The following ENTREP2 variants were observed in gnomAD, a reference collection of about 807,000 sequenced individuals.
The protein encoded by ENTREP2 is protein ENTREP2.
the ENTREP2 span, among the ~76,000 whole-genome samples, chr15:29,592,458 T>C: frequency 3.3e-5 from 5 of 152,184 alleles, no homozygotes; most frequent in African/African-American, 4.8e-5. Flanking sequence ...TGTCATCCTA[T>C]GGTGGATGAT....
At chr15:29,139,454 A>T in the ENTREP2 span, among the ~76,000 whole-genome samples, 2 of 152,274 alleles carry the variant, frequency 1.3e-5, no homozygotes, top group Non-Finnish European at 2.9e-5. Context: ...AAATGCCCTC[A>T]GGTCTAATCA....
chr15:29,283,264 C>G, the ENTREP2 span, among the ~76,000 whole-genome samples: 1 of 152,174 alleles, frequency 6.6e-6, no homozygotes, highest in Admixed American at 6.5e-5. Context: ...AAGACTATCC[C>G]CACCCTCACC....
chr15:29,534,911 A>G, the ENTREP2 span, among the ~76,000 whole-genome samples: 1 of 152,346 alleles, frequency 6.6e-6, no homozygotes, highest in African/African-American at 2.4e-5. Flanking sequence ...ACTTTTCAAA[A>G]GTCAAGAGAT....
chr15:29,244,412 AC>A, the ENTREP2 span, among the ~76,000 whole-genome samples: 2 of 152,238 alleles, frequency 1.3e-5, no homozygotes, highest in South Asian at 4.1e-4. Flanking sequence ...GTGTTAGTCA[AC>A]CTTTTTCCCT....
At chr15:29,660,672 G>A in the ENTREP2 span, among the ~76,000 whole-genome samples, 26 of 152,202 alleles carry the variant, frequency 1.7e-4, no homozygotes, top group Non-Finnish European at 3.1e-4. Context: ...TTTCTGACAA[G>A]TAGTAGTGCA....
At chr15:29,343,330 C>T in the ENTREP2 span, among the ~76,000 whole-genome samples, 4 of 151,980 alleles carry the variant, frequency 2.6e-5, no homozygotes, top group African/African-American at 7.3e-5. Flanking sequence ...CTCCATACTG[C>T]GGGGGGCCTC....
chr15:29,620,656 A>T, the ENTREP2 span, among the ~76,000 whole-genome samples: 1 of 152,024 alleles, frequency 6.6e-6, no homozygotes, highest in African/African-American at 2.4e-5. Context: ...ATAAATGAAA[A>T]GGAAAAATAA....
chr15:29,164,423 T>C, the ENTREP2 span, among the ~76,000 whole-genome samples: 1 of 152,226 alleles, frequency 6.6e-6, no homozygotes, highest in South Asian at 2.1e-4. Context: ...GCCAACCAAC[T>C]ATCTGCTGCC....
the ENTREP2 span, among the ~76,000 whole-genome samples, chr15:29,239,749 C>T: frequency 6.6e-6 from 1 of 152,128 alleles, no homozygotes; most frequent in Non-Finnish European, 1.5e-5. Flanking sequence ...TGTTTACTTA[C>T]AGGAAACAAT....
chr15:29,459,739 T>A, the ENTREP2 span, among the ~76,000 whole-genome samples: 1 of 152,072 alleles, frequency 6.6e-6, no homozygotes, highest in African/African-American at 2.4e-5. Flanking sequence ...AGAAAGCCCA[T>A]GGACTCCCTT....
chr15:29,185,266 T>C, the ENTREP2 span, among the ~76,000 whole-genome samples: 3 of 152,260 alleles, frequency 2.0e-5, no homozygotes, highest in East Asian at 5.8e-4. Flanking sequence ...CTCAGCTTCC[T>C]GGAACCAGTG....
the ENTREP2 span, among the ~76,000 whole-genome samples, chr15:29,485,931 T>G: frequency 6.6e-6 from 1 of 152,174 alleles, no homozygotes; most frequent in Non-Finnish European, 1.5e-5. Context: ...TTAGTATAGC[T>G]GCTAAGGAAA....
the ENTREP2 span, among the ~76,000 whole-genome samples, chr15:29,404,439 T>C: frequency 6.6e-6 from 1 of 151,844 alleles, no homozygotes; most frequent in Non-Finnish European, 1.5e-5. Flanking sequence ...AGAACTCCCC[T>C]GTCTGGTCAG....
chr15:29,352,357 A>G, the ENTREP2 span, among the ~76,000 whole-genome samples: 1 of 152,228 alleles, frequency 6.6e-6, no homozygotes, highest in Non-Finnish European at 1.5e-5. Flanking sequence ...TGGGTGGTGT[A>G]TAAGGCAAAT....
chr15:29,174,010 C>T, the ENTREP2 span, among the ~76,000 whole-genome samples: 150 of 149,730 alleles, frequency 1.0e-3, no homozygotes, highest in African/African-American at 3.3e-3. Flanking sequence ...ATTGAAGAGT[C>T]GGGGAAATAG....
the ENTREP2 span, among the ~76,000 whole-genome samples, chr15:29,226,987 C>G: frequency 6.6e-6 from 1 of 152,216 alleles, no homozygotes; most frequent in African/African-American, 2.4e-5. Flanking sequence ...GGTTGTCACA[C>G]ACAGAGAGAG....
At chr15:29,431,311 A>G in the ENTREP2 span, among the ~76,000 whole-genome samples, 8 of 152,112 alleles carry the variant, frequency 5.3e-5, no homozygotes, top group Non-Finnish European at 7.4e-5. Context: ...AAAGAATCCT[A>G]TATAACTTAT....
chr15:29,587,120 G>GCTGC, the ENTREP2 span, among the ~76,000 whole-genome samples: 1 of 149,526 alleles, frequency 6.7e-6, no homozygotes, highest in East Asian at 2.0e-4. Context: ...CATGAGATAG[G>GCTGC]CTATCTGTGT....
chr15:29,226,732 T>C, the ENTREP2 span, among the ~76,000 whole-genome samples: 1,187 of 152,218 alleles, frequency 7.8e-3, 10 homozygotes, highest in Middle Eastern at 0.027. Context: ...AATTCTGAGA[T>C]TAGAGTGCTG....
Sources: gnomAD v4.1 joint callset for allele counts (sites outside exome capture counted in the v4.1 genomes callset) on GRCh38, gnomAD v4.1.1 for gene constraint, MANE v1.5 for transcripts, NCBI Gene and HGNC (gene_info 2026-07-23, HGNC 2026-07-21) for gene names.